Variants in GRM3 observed in about 807,000 individuals in gnomAD.
GRM3 encodes the protein metabotropic glutamate receptor 3.
Under a neutral mutation model 70.5 loss-of-function variants are expected in GRM3, and 26 were observed. That is an observed-to-expected ratio of 0.37 (90% CI 0.27 to 0.51). The LOEUF (loss-of-function observed/expected upper bound fraction) is 0.51, where lower values mean the gene tolerates loss of function less well. GRM3 is among the 20% of genes least tolerant of loss of function. The pLI, the probability that GRM3 is intolerant of heterozygous loss-of-function variation, is 0.93. For synonymous variants in GRM3, 443 were observed against 434.9 expected (o/e 1.02, Z -0.23); for missense variants, 859 against 1,123.8 (o/e 0.76, Z 3.37).
At chr7:86,692,104 C>A (rs751406893) in intron 1 of GRM3, among the ~76,000 whole-genome samples, 4 of 152,154 alleles carry the variant, frequency 2.6e-5, no homozygotes, top group Non-Finnish European at 2.9e-5. Flanking sequence ...AACAAAGGTA[C>A]TTTCACCTAG....
In GRM3 at chr7:86,686,675, AAAAAC is replaced by A. The variant is rs549596401; in HGVS notation, c.-141+41818_-141+41822del. ...TAAAGCATTACTGCTATAGCTGACA[AAAAAC>A]AAAACAAAACAAAAACTTGATATTT... On this transcript the variant is annotated intron_variant, in intron 1 of 5. Transcript: ENST00000361669. Among the ~76,000 whole-genome samples the A allele has an allele frequency of 3.5e-3, 536 of 152,332 alleles. 4 individuals carry two copies. Among genetic ancestry groups the A allele is most frequent in the African/African-American group, 0.012 (509 of 41,596 alleles).
rs1176470306 is a variant in GRM3 at position 86,839,035 on chromosome 7, C to G, written c.1521C>G (p.Ser507=). Residue 507 remains serine (S), a synonymous_variant, in exon 4 of 6, where the codon TCC becomes TCG. Coordinates refer to ENST00000361669, the MANE Select transcript of GRM3 (RefSeq NM_000840.3). The surrounding 1 kb of genome is among the most constrained non-coding windows in gnomAD (Gnocchi z 4.5). ...GGTCCCGGAACTCAGTCCCCACTTC[C>G]CAGTGCAGCGACCCCTGTGCCCCCA... is the stretch of plus-strand genomic sequence containing the variant. ...IHWSRNSVPT[S]QCSDPCAPNE... 1 of 1,614,104 alleles carries G rather than the reference C, an allele frequency of 6.2e-7. No homozygotes were observed. Among genetic ancestry groups the G allele is most frequent in the South Asian group, 1.1e-5 (1 of 91,078 alleles).
intron 3 of GRM3, among the ~76,000 whole-genome samples, chr7:86,795,789 A>G (rs1797534979): frequency 6.6e-6 from 1 of 152,152 alleles, no homozygotes; most frequent in Non-Finnish European, 1.5e-5. Flanking sequence ...GTCAAATGGT[A>G]TTTCTGGTTC....
chr7:86,747,490 C>A (rs943179032), intron 1 of GRM3, among the ~76,000 whole-genome samples: 1 of 151,988 alleles, frequency 6.6e-6, no homozygotes, highest in Admixed American at 6.6e-5. Flanking sequence ...TAAATCAAAG[C>A]CTTTGTTCTC....
At chr7:86,650,620 T>C (rs146440205) in intron 1 of GRM3, among the ~76,000 whole-genome samples, 7 of 152,230 alleles carry the variant, frequency 4.6e-5, no homozygotes, top group African/African-American at 1.4e-4. Flanking sequence ...AATTCTAAAA[T>C]AGAAAAGTCT....
intron 1 of GRM3, among the ~76,000 whole-genome samples, chr7:86,702,558 G>A (rs115547598): frequency 0.013 from 1,957 of 152,036 alleles, 36 homozygotes; most frequent in African/African-American, 0.045. Context: ...AGAAGTATGA[G>A]CTTAAGTTCA....
intron 1 of GRM3, among the ~76,000 whole-genome samples, chr7:86,712,630 A>G (rs992815994): frequency 2.0e-5 from 3 of 152,008 alleles, no homozygotes; most frequent in African/African-American, 7.2e-5. Flanking sequence ...ACCTCTCTGC[A>G]TGGCCTTACC....
chr7:86,708,462 T>G (rs1202540217), intron 1 of GRM3, among the ~76,000 whole-genome samples: 1 of 152,186 alleles, frequency 6.6e-6, no homozygotes, highest in African/African-American at 2.4e-5. Context: ...TAAATGCTGA[T>G]TGAGGGCATG....
chr7:86,829,989 A>G (rs1798318987), intron 3 of GRM3, among the ~76,000 whole-genome samples: 1 of 152,228 alleles, frequency 6.6e-6, no homozygotes, highest in South Asian at 2.1e-4. Flanking sequence ...TTATATATGT[A>G]TATCCCAAAA....
chr7:86,819,763 C>T (rs1390861217), intron 3 of GRM3, among the ~76,000 whole-genome samples: 3 of 152,142 alleles, frequency 2.0e-5, no homozygotes, highest in African/African-American at 7.2e-5. Context: ...CAAAACTTGT[C>T]CTTCCCTAGT....
intron 2 of GRM3, chr7:86,784,295 T>C (rs1364242860): frequency 2.0e-5 from 3 of 152,178 alleles, no homozygotes; most frequent in Non-Finnish European, 4.4e-5. Flanking sequence ...TGTTTCACTG[T>C]GATTCTTCGC....
chr7:86,746,282 A>G (rs910811152), intron 1 of GRM3, among the ~76,000 whole-genome samples: 3 of 147,748 alleles, frequency 2.0e-5, no homozygotes, highest in African/African-American at 7.5e-5. Context: ...TAGGTCAAAT[A>G]TATCCATACC....
intron 2 of GRM3, among the ~76,000 whole-genome samples, chr7:86,776,690 A>T (rs1303527389): frequency 2.6e-5 from 4 of 152,098 alleles, no homozygotes; most frequent in Non-Finnish European, 4.4e-5. Context: ...ACCACAGAAA[A>T]ATATAGATTA....
intron 1 of GRM3, among the ~76,000 whole-genome samples, chr7:86,744,666 A>G (rs1796063020): frequency 6.6e-6 from 1 of 152,006 alleles, no homozygotes; most frequent in African/African-American, 2.4e-5. Context: ...AACTCCTACT[A>G]TATATGCCGG....
intron 3 of GRM3, among the ~76,000 whole-genome samples, chr7:86,811,017 T>A (rs2116655524): frequency 6.6e-6 from 1 of 152,020 alleles, no homozygotes; most frequent in African/African-American, 2.4e-5. Context: ...CAAAGTGTCA[T>A]TTTTCCTGTT....
chr7:86,860,247 A>G (rs1330030369), intron 5 of GRM3, among the ~76,000 whole-genome samples: 1 of 152,174 alleles, frequency 6.6e-6, no homozygotes, highest in Non-Finnish European at 1.5e-5. Flanking sequence ...ACACACAGAA[A>G]TGATAGTACT....
chr7:86,770,211 A>G (rs559944354), intron 2 of GRM3, among the ~76,000 whole-genome samples: 1 of 152,304 alleles, frequency 6.6e-6, no homozygotes, highest in African/African-American at 2.4e-5. Context: ...CATAGCAGAT[A>G]TAAGTTGACC....
intron 1 of GRM3, among the ~76,000 whole-genome samples, chr7:86,705,012 A>C (rs777005659): frequency 1.3e-5 from 2 of 151,940 alleles, no homozygotes; most frequent in Non-Finnish European, 2.9e-5. Context: ...TGACATAGGC[A>C]TCTAATTCAC....
chr7:86,821,705 T>C (rs1798123866), intron 3 of GRM3, among the ~76,000 whole-genome samples: 1 of 152,144 alleles, frequency 6.6e-6, no homozygotes, highest in Non-Finnish European at 1.5e-5. Context: ...AGGTGAATCA[T>C]ATTCTGGTGG....
Sources: gnomAD v4.1 joint callset for allele counts (sites outside exome capture counted in the v4.1 genomes callset) on GRCh38, gnomAD v4.1.1 for gene constraint, Gnocchi (gnomAD v3.1) non-coding constraint, MANE v1.5 for transcripts, NCBI Gene and HGNC (gene_info 2026-07-23, HGNC 2026-07-21) for gene names.